ADK: variants seen among roughly 807,000 people sequenced by gnomAD.
ADK encodes the protein N6,N6-dimethyladenosine kinase.
ADK carries 24 observed loss-of-function variants against 44.7 expected under a neutral mutation model. That is an observed-to-expected ratio of 0.54 (90% CI 0.39 to 0.76). The LOEUF is 0.76. Among genes scored for constraint, ADK ranks in the 30% least tolerant of loss-of-function variants. The probability of loss-of-function intolerance (pLI) is 0.00; values close to 1 mark genes in which losing one functional copy is unlikely to be tolerated. For missense variants in ADK, 321 were observed against 425.1 expected (o/e 0.76, Z 2.15); for synonymous variants, 128 against 142.6 (o/e 0.90, Z 0.73).
At chr10:74,626,624 T>C (rs911221998) in intron 9 of ADK, among the ~76,000 whole-genome samples, 28 of 152,196 alleles carry the variant, frequency 1.8e-4, no homozygotes, top group African/African-American at 6.8e-4. Context: ...ATTTATAGGA[T>C]GTATATGATT....
intron 5 of ADK, among the ~76,000 whole-genome samples, chr10:74,397,587 G>A (rs1843563256): frequency 6.6e-6 from 1 of 151,840 alleles, no homozygotes; most frequent in Non-Finnish European, 1.5e-5. Context: ...GCCTAGGCTG[G>A]AGTGCAGTGG....
At chr10:74,635,034 CAAAAG>C (rs1037024580) in intron 9 of ADK, among the ~76,000 whole-genome samples, 5 of 152,186 alleles carry the variant, frequency 3.3e-5, no homozygotes, top group Non-Finnish European at 5.9e-5. Context: ...ATTGGAGTCT[CAAAAG>C]GAAAGGAGCT....
At chr10:74,324,408 C>G (rs980015831) in intron 4 of ADK, among the ~76,000 whole-genome samples, 3 of 152,210 alleles carry the variant, frequency 2.0e-5, no homozygotes, top group Admixed American at 6.5e-5. Context: ...TTCTACCCCT[C>G]TAATTACCCA....
At chr10:74,404,020 C>T (rs2132895852) in intron 6 of ADK, among the ~76,000 whole-genome samples, 1 of 152,142 alleles carries the variant, frequency 6.6e-6, no homozygotes, top group East Asian at 1.9e-4. Flanking sequence ...CTGCACGTGC[C>T]TGCCACCATG....
chr10:74,420,150 G>T (rs546470303), intron 6 of ADK, among the ~76,000 whole-genome samples: 1 of 152,046 alleles, frequency 6.6e-6, no homozygotes, highest in Non-Finnish European at 1.5e-5. Context: ...AGATAATACC[G>T]CCTTTTGGGA....
chr10:74,530,272 C>T (rs73274142), intron 7 of ADK, among the ~76,000 whole-genome samples: 4,522 of 151,888 alleles, frequency 0.03, 190 homozygotes, highest in African/African-American at 0.091. Context: ...TAAAATGTGA[C>T]GAAGGATAAA....
intron 5 of ADK, among the ~76,000 whole-genome samples, 187 bp downstream of exon 5, chr10:74,394,500 CA>C (rs1282187531): frequency 6.6e-6 from 1 of 152,116 alleles, no homozygotes; most frequent in Non-Finnish European, 1.5e-5. Flanking sequence ...CAGTTGAATT[CA>C]TGAGGCATAA....
Position 74,323,865 on chromosome 10 carries a change from C to T in ADK, c.273+9120C>T, listed in dbSNP as rs571400609. ...GATTACAGGTGTGAGCCACCGCTCC[C>T]GGCCCCACAATATTTTCATTATCAA... On this transcript the variant is annotated intron_variant, in intron 4 of 10. Transcript: ENST00000539909. Among the ~76,000 whole-genome samples, 16 of 152,144 alleles carry T rather than the reference C, an allele frequency of 1.1e-4. No individual in the cohort carries two copies. In the South Asian group the frequency reaches 2.7e-3, roughly 26 times the overall value.
intron 7 of ADK, among the ~76,000 whole-genome samples, chr10:74,574,575 C>T (rs531041389): frequency 1.1e-4 from 16 of 152,274 alleles, no homozygotes; most frequent in African/African-American, 2.6e-4. Flanking sequence ...CTGCATACAT[C>T]GTTGAAAATA....
intron 3 of ADK, among the ~76,000 whole-genome samples, chr10:74,245,460 C>T (rs561842920): frequency 1.3e-5 from 2 of 152,192 alleles, no homozygotes; most frequent in East Asian, 3.9e-4. Context: ...TTCTCTCATT[C>T]CACTTATCAC....
chr10:74,442,165 C>G (rs1189896672), intron 6 of ADK, among the ~76,000 whole-genome samples: 1 of 151,932 alleles, frequency 6.6e-6, no homozygotes, highest in Non-Finnish European at 1.5e-5. Flanking sequence ...CCCCACTTTC[C>G]TCTCCCTCAC....
At chr10:74,671,038 T>TA (rs10670267) in intron 10 of ADK, among the ~76,000 whole-genome samples, 18 of 99,114 alleles carry the variant, frequency 1.8e-4, no homozygotes, top group East Asian at 3.1e-4. Context: ...CAGGTTAATT[T>TA]AAAAAAAAAA....
chr10:74,650,523 A>G (rs1589333624), intron 9 of ADK, among the ~76,000 whole-genome samples: 1 of 152,264 alleles, frequency 6.6e-6, no homozygotes, highest in East Asian at 1.9e-4. Context: ...GAACAAACTG[A>G]TATCTGGGCT....
At chr10:74,191,950 T>A (rs1420456239) in intron 1 of ADK, among the ~76,000 whole-genome samples, 2 of 152,218 alleles carry the variant, frequency 1.3e-5, no homozygotes, top group East Asian at 3.8e-4. Context: ...CTCTGAACCC[T>A]AACCCCTGGC....
intron 6 of ADK, among the ~76,000 whole-genome samples, chr10:74,468,195 T>A (rs1387422589): frequency 6.6e-6 from 1 of 152,210 alleles, no homozygotes; most frequent in East Asian, 1.9e-4. Context: ...TTTTGTCTCT[T>A]TCTTCTCACT....
intron 4 of ADK, among the ~76,000 whole-genome samples, chr10:74,382,468 T>G (rs1843002096): frequency 6.6e-6 from 1 of 152,172 alleles, no homozygotes; most frequent in South Asian, 2.1e-4. Flanking sequence ...CTTTCTTATT[T>G]TATATACAGC....
At chr10:74,162,444 T>G (rs1841928484) in intron 1 of ADK, among the ~76,000 whole-genome samples, 1 of 152,220 alleles carries the variant, frequency 6.6e-6, no homozygotes. Context: ...TTCATTTTTT[T>G]GTTAAATGGA....
At chr10:74,445,501 T>C (rs1471966336) in intron 6 of ADK, among the ~76,000 whole-genome samples, 1 of 152,008 alleles carries the variant, frequency 6.6e-6, no homozygotes, top group African/African-American at 2.4e-5. Context: ...TATATTCCTT[T>C]ACTGTTATAT....
At chr10:74,505,174 T>C (rs1440077730) in intron 6 of ADK, among the ~76,000 whole-genome samples, 3 of 152,150 alleles carry the variant, frequency 2.0e-5, no homozygotes, top group Non-Finnish European at 2.9e-5. Flanking sequence ...GTAATTTCTG[T>C]CTTATTTTTC....
Sources: allele counts gnomAD v4.1 joint callset (sites outside exome capture counted in the v4.1 genomes callset), GRCh38; gene constraint gnomAD v4.1.1; transcripts MANE v1.5; gene names NCBI Gene and HGNC (gene_info 2026-07-23, HGNC 2026-07-21).